Variants in SLC25A26 observed in about 807,000 individuals in gnomAD.
SLC25A26 encodes solute carrier family 25 member 26.
SLC25A26 carries 36 observed loss-of-function variants against 37.8 expected under a neutral mutation model. The observed-to-expected ratio is 0.95, with a 90% CI of 0.73 to 1.26. SLC25A26 has a LOEUF of 1.26. Among genes scored for constraint, SLC25A26 ranks in the 50% most tolerant of loss-of-function variants. The probability of loss-of-function intolerance (pLI) is 0.00; values close to 1 mark genes in which losing one functional copy is unlikely to be tolerated. For synonymous variants in SLC25A26, 129 were observed against 122.5 expected (o/e 1.05, Z -0.35); for missense variants, 390 against 331.1 (o/e 1.18, Z -1.38).
intron 3 of SLC25A26, among the ~76,000 whole-genome samples, chr3:66,245,648 G>C (rs984040264): frequency 6.6e-6 from 1 of 152,120 alleles, no homozygotes; most frequent in Admixed American, 6.5e-5. Context: ...ATTTGTTTTT[G>C]ATGCACTTTT....
intron 7 of SLC25A26, among the ~76,000 whole-genome samples, chr3:66,365,489 A>G (rs2076804746): frequency 6.6e-6 from 1 of 152,250 alleles, no homozygotes; most frequent in African/African-American, 2.4e-5. Context: ...ACTTCTAAAC[A>G]TAAACCATAA....
chr3:66,219,652 G>C (rs1285623115), upstream of SLC25A26, among the ~76,000 whole-genome samples: 1 of 152,180 alleles, frequency 6.6e-6, no homozygotes, highest in Non-Finnish European at 1.5e-5. Context: ...AGTCCGGCTA[G>C]TGGGAAGAGT....
At chr3:66,188,923 T>A (rs1353085670) in intron 1 of SLC25A26, among the ~76,000 whole-genome samples, 1 of 152,102 alleles carries the variant, frequency 6.6e-6, no homozygotes, top group Non-Finnish European at 1.5e-5. Context: ...ACCCTCACCC[T>A]ATTGTGATGC....
At chr3:66,283,465 A>G (rs1281047605) in intron 5 of SLC25A26, among the ~76,000 whole-genome samples, 5 of 151,958 alleles carry the variant, frequency 3.3e-5, no homozygotes. Flanking sequence ...ATTTTTTTGT[A>G]GAGATGGGGT....
intron 5 of SLC25A26, among the ~76,000 whole-genome samples, chr3:66,282,863 C>A (rs530970426): frequency 2.1e-4 from 32 of 152,310 alleles, no homozygotes; most frequent in African/African-American, 7.2e-4. Context: ...CTGCTTCCTA[C>A]TGCTGGCAAC....
At chr3:66,212,999 C>T (rs952214597) in intron 1 of SLC25A26, among the ~76,000 whole-genome samples, 77 of 152,258 alleles carry the variant, frequency 5.1e-4, no homozygotes, top group African/African-American at 1.8e-3. Context: ...TTTCCTTTTA[C>T]TGTCCTTTCC....
chr3:66,210,885 C>G lies in SLC25A26; in HGVS notation c.-353-9857C>G, dbSNP rs886098416. Among the ~76,000 whole-genome samples, 200 of 152,258 alleles carry G rather than the reference C, an allele frequency of 1.3e-3. 1 individual carries two copies. Among genetic ancestry groups the G allele is most frequent in the Middle Eastern group, 3.4e-3 (1 of 294 alleles). On this transcript the variant is annotated intron_variant, in intron 1 of 10. Coordinates refer to the SLC25A26 transcript ENST00000676754. ...TCAGCAAGGAGACGTGACTGGCGAG[C>G]TATGAAGGTGAGGCAACAGTCAGGG...
chr3:66,319,100 A>C (rs1163349012), intron 5 of SLC25A26, among the ~76,000 whole-genome samples: 3 of 152,236 alleles, frequency 2.0e-5, no homozygotes, highest in Non-Finnish European at 2.9e-5. Flanking sequence ...ATCCTTGAGA[A>C]ACTTAGTTTT....
At chr3:66,373,637 A>C (rs1700475291) in intron 9 of SLC25A26, among the ~76,000 whole-genome samples, 1 of 150,658 alleles carries the variant, frequency 6.6e-6, no homozygotes, top group East Asian at 1.9e-4. Flanking sequence ...GTAATTTATA[A>C]GTTTCTGTCC....
chr3:66,209,898 T>TTATATTTATATATATA (rs2071257057), intron 1 of SLC25A26, among the ~76,000 whole-genome samples: 10 of 38,614 alleles, frequency 2.6e-4, no homozygotes, highest in Admixed American at 4.4e-4. Flanking sequence ...CTCTCTCTAT[T>TTATATTTATATATATA]TATATATATA....
At chr3:66,288,725 A>G (rs1285662432) in intron 5 of SLC25A26, among the ~76,000 whole-genome samples, 1 of 152,194 alleles carries the variant, frequency 6.6e-6, no homozygotes, top group African/African-American at 2.4e-5. Flanking sequence ...CCAGTCTATC[A>G]TTGATGGGCA....
intron 1 of SLC25A26, among the ~76,000 whole-genome samples, chr3:66,175,130 TATATATATATACACACACAC>T (rs2070563143): frequency 1.1e-5 from 1 of 93,610 alleles, no homozygotes; most frequent in African/African-American, 4.4e-5. Flanking sequence ...TATATATATA[TATATATATATACACACACAC>T]ACACACACAC....
intron 5 of SLC25A26, among the ~76,000 whole-genome samples, chr3:66,338,313 A>G (rs1012693650): frequency 3.3e-5 from 5 of 151,988 alleles, no homozygotes; most frequent in African/African-American, 9.7e-5. Context: ...TTTTGTGGAC[A>G]TATATTGTCA....
At chr3:66,346,144 CAGCCTGAG>C (rs1167892917) in intron 5 of SLC25A26, among the ~76,000 whole-genome samples, 8 of 152,288 alleles carry the variant, frequency 5.3e-5, no homozygotes, top group African/African-American at 1.9e-4. Flanking sequence ...GGTGATCTGT[CAGCCTGAG>C]TGACAGAGCG....
At chr3:66,329,273 T>C (rs146908903) in intron 5 of SLC25A26, among the ~76,000 whole-genome samples, 2 of 152,344 alleles carry the variant, frequency 1.3e-5, no homozygotes, top group East Asian at 3.9e-4. Context: ...TTGGAGTCTC[T>C]CTGTAAATTT....
chr3:66,319,213 C>A (rs771258159), intron 5 of SLC25A26, among the ~76,000 whole-genome samples: 3 of 151,940 alleles, frequency 2.0e-5, no homozygotes, highest in Non-Finnish European at 2.9e-5. Flanking sequence ...GCTCATTACA[C>A]ATTTCCTGTA....
chr3:66,350,713 TGAGC>T (rs764725342), intron 6 of SLC25A26, among the ~76,000 whole-genome samples: 1 of 77,642 alleles, frequency 1.3e-5, no homozygotes, highest in Non-Finnish European at 3.1e-5. Context: ...TGTGTGTGTG[TGAGC>T]GCGCGCGTGC....
intron 6 of SLC25A26, among the ~76,000 whole-genome samples, chr3:66,358,753 A>G (rs1247524252): frequency 6.6e-6 from 1 of 152,196 alleles, no homozygotes. Flanking sequence ...GGGCCTCCCA[A>G]AGTGCTAGAA....
chr3:66,335,659 G>C (rs1020235693), intron 5 of SLC25A26, among the ~76,000 whole-genome samples: 1 of 152,050 alleles, frequency 6.6e-6, no homozygotes, highest in African/African-American at 2.4e-5. Context: ...CGTATCGAGT[G>C]TCCTGTTAGG....
Sources: gnomAD v4.1 joint callset for allele counts (sites outside exome capture counted in the v4.1 genomes callset) on GRCh38, gnomAD v4.1.1 for gene constraint, MANE v1.5 for transcripts, NCBI Gene and HGNC (gene_info 2026-07-23, HGNC 2026-07-21) for gene names.